THOC2: variants seen among roughly 807,000 people sequenced by gnomAD.
THOC2 encodes THO complex subunit 2, also known as THO complex 2.
A neutral mutation model predicts 128.4 loss-of-function variants in THOC2; 10 were observed. That is an observed-to-expected ratio of 0.08 (90% CI 0.05 to 0.13). The LOEUF (loss-of-function observed/expected upper bound fraction) is 0.13, where lower values mean the gene tolerates loss of function less well. THOC2 is among the 10% of genes least tolerant of loss of function. The probability of loss-of-function intolerance (pLI) is 1.00; values close to 1 mark genes in which losing one functional copy is unlikely to be tolerated. For missense variants in THOC2, 535 were observed against 1,155.7 expected (o/e 0.46, Z 7.79); for synonymous variants, 393 against 396.9 (o/e 0.99, Z 0.12).
chrX:123,612,028 T>C (rs1014033964), intron 36 of THOC2, among the ~76,000 whole-genome samples: 1 of 110,812 alleles, frequency 9.0e-6, no homozygotes, highest in Non-Finnish European at 1.9e-5. Flanking sequence ...AAATAACCAG[T>C]GTTGACAAAG....
chrX:123,610,126 C>T (rs979711900), intron 38 of THOC2: 1 of 111,024 alleles, frequency 9.0e-6, no homozygotes, highest in Admixed American at 9.6e-5. Context: ...GTCCTACGTA[C>T]TTCAATAATA....
At chrX:123,619,557 A>C in intron 32 of THOC2, 121 bp from the exon 33 acceptor site, 2 of 749,874 alleles carry the variant, frequency 2.7e-6, no homozygotes, top group Non-Finnish European at 4.0e-6. Context: ...GATAAATTTC[A>C]TGATGTCATT....
rs781152385 is a variant in THOC2 at position 123,633,943 on chromosome X, C to G, written c.2136+10G>C. 1 of 1,078,390 alleles carries G rather than the reference C, an allele frequency of 9.3e-7. No individual in the cohort carries two copies. The highest frequency in any genetic ancestry group is 2.0e-5 in the South Asian group (1 of 50,977). The allele number at this position is 1,078,390 out of a possible 1,213,427, so 88.9% of individuals were successfully genotyped here. ...TTTAAAAGTTGATGAACAAAAATAG[C>G]AATTCTTACCTCAGCTTTTAGCTGC... On this transcript the variant is annotated intron_variant, in intron 20 of 38. Transcript: ENST00000245838.
chrX:123,703,375 T>C, intron 4 of THOC2, 79 bp downstream of exon 4: 1 of 643,659 alleles, frequency 1.6e-6, no homozygotes, highest in Middle Eastern at 3.4e-4. Context: ...GTAAAATTCT[T>C]AGTTTAAAAC....
At chrX:123,719,806 T>A (rs1012801686) in intron 1 of THOC2, among the ~76,000 whole-genome samples, 1 of 107,897 alleles carries the variant, frequency 9.3e-6, no homozygotes, top group Non-Finnish European at 1.9e-5. Flanking sequence ...CATTGTGGTG[T>A]GAGTCCTAGC....
At chrX:123,701,455 CAAT>C (rs1024487651) in intron 4 of THOC2, among the ~76,000 whole-genome samples, 4 of 110,935 alleles carry the variant, frequency 3.6e-5, no homozygotes, top group African/African-American at 1.3e-4. Context: ...TGACTTGTAA[CAAT>C]AATTCATATT....
At chrX:123,718,499 C>T (rs1407478318) in intron 1 of THOC2, among the ~76,000 whole-genome samples, 1 of 111,434 alleles carries the variant, frequency 9.0e-6, no homozygotes, top group Non-Finnish European at 1.9e-5. Context: ...GTGGCTCATA[C>T]CTATAATCCT....
chrX:123,716,364 G>A (rs1038935586), intron 1 of THOC2, among the ~76,000 whole-genome samples: 1 of 111,999 alleles, frequency 8.9e-6, no homozygotes, highest in Non-Finnish European at 1.9e-5. Context: ...TGGATCACTT[G>A]AAGTCACGAA....
chrX:123,620,400 T>C (rs2047040064), intron 32 of THOC2: 1 of 112,629 alleles, frequency 8.9e-6, no homozygotes, highest in African/African-American at 3.2e-5. Context: ...ACAGGAGAAC[T>C]GATCACCAAG....
chrX:123,641,940 T>G (rs1276844840), intron 15 of THOC2, among the ~76,000 whole-genome samples: 1 of 112,152 alleles, frequency 8.9e-6, no homozygotes, highest in Non-Finnish European at 1.9e-5. Context: ...TGTTTAAGCC[T>G]GGTAAAATAG....
At chrX:123,642,053 A>G (rs762834009) in intron 15 of THOC2, among the ~76,000 whole-genome samples, 3 of 112,464 alleles carry the variant, frequency 2.7e-5, no homozygotes, top group Non-Finnish European at 5.6e-5. Flanking sequence ...ATTAATGCCT[A>G]CGATGACAGT....
intron 3 of THOC2, among the ~76,000 whole-genome samples, chrX:123,705,599 G>A (rs1174505730): frequency 2.7e-5 from 3 of 111,230 alleles, no homozygotes; most frequent in Non-Finnish European, 5.7e-5. Flanking sequence ...GTTATCAGCT[G>A]GAGATAATTT....
chrX:123,639,111 A>G, intron 16 of THOC2, 84 bp from the exon 17 acceptor site: 4 of 394,581 alleles, frequency 1.0e-5, no homozygotes, highest in Middle Eastern at 4.2e-4. Context: ...TACACTTTCT[A>G]TTTTTCAAAA....
intron 38 of THOC2, among the ~76,000 whole-genome samples, chrX:123,605,961 A>G (rs2046451826): frequency 9.0e-6 from 1 of 111,386 alleles, no homozygotes; most frequent in African/African-American, 3.3e-5. Flanking sequence ...GCTCTATTCT[A>G]AAGGGGGGCA....
At chrX:123,698,209 C>T (rs1335037971) in intron 4 of THOC2, among the ~76,000 whole-genome samples, 2 of 111,819 alleles carry the variant, frequency 1.8e-5, no homozygotes, top group Admixed American at 9.4e-5. Context: ...CCTGCAATCC[C>T]AGCACTTTGG....
At position 123,638,027 on chromosome X, in the gene THOC2, A is replaced by T. The variant is rs2047742714; in HGVS notation, c.1921+16T>A. The T allele has an allele frequency of 3.5e-6, 4 of 1,150,588 alleles. No individual in the cohort carries two copies. The African/African-American group carries it at 7.2e-5, about 21-fold the overall frequency. The allele number at this position is 1,150,588 out of a possible 1,213,427, so 94.8% of individuals were successfully genotyped here. ...ACAGATAGTAATTTCATCTTTGGAA[A>T]AATAAAAATACTTACTCTGAAGCCA... On this transcript the variant is annotated intron_variant, in intron 18 of 38. Coordinates refer to ENST00000245838, the MANE Select transcript of THOC2 (RefSeq NM_001081550.2).
At chrX:123,718,313 A>C (rs1374212165) in intron 1 of THOC2, among the ~76,000 whole-genome samples, 2 of 112,270 alleles carry the variant, frequency 1.8e-5, no homozygotes, top group Non-Finnish European at 3.8e-5. Flanking sequence ...AAAGACTTAA[A>C]TGTAAGACCT....
rs183266286 is a variant in THOC2, at chrX:123,633,901, G to A, written c.2136+52C>T. 391 of 755,096 alleles carry A rather than the reference G, an allele frequency of 5.2e-4. 2 individuals carry two copies. The South Asian group carries it at 5.9e-3, about 11-fold the overall frequency. 62.2% of individuals were successfully genotyped at this position (755,096 alleles called of 1,213,427 possible). On this transcript the variant is annotated intron_variant, in intron 20 of 38. Coordinates refer to ENST00000245838, the MANE Select transcript of THOC2 (RefSeq NM_001081550.2). ...ATTGTTTGGATTCTTTACTATGACCGTGCATACATTATGAATTTTAAAAGT... is the reference window on the plus strand; with the variant it reads ...ATTGTTTGGATTCTTTACTATGACCATGCATACATTATGAATTTTAAAAGT...
chrX:123,665,524 C>G (rs760578098), intron 12 of THOC2, 118 bp downstream of exon 12: 34 of 490,723 alleles, frequency 6.9e-5, no homozygotes, highest in Non-Finnish European at 1.0e-4. Flanking sequence ...AAACCTCACT[C>G]AACATAACCC....
Sources: allele counts gnomAD v4.1 joint callset (sites outside exome capture counted in the v4.1 genomes callset), GRCh38; gene constraint gnomAD v4.1.1; transcripts MANE v1.5; gene names NCBI Gene and HGNC (gene_info 2026-07-23, HGNC 2026-07-21).